Variants in PHF24 observed in about 807,000 individuals in gnomAD.
PHF24 encodes the protein Galpha inhibitory interacting protein.
Under a neutral mutation model 42.6 loss-of-function variants are expected in PHF24, and 25 were observed. The observed-to-expected ratio is 0.59, with a 90% CI of 0.43 to 0.82. PHF24 has a LOEUF of 0.82. Ranked by LOEUF, PHF24 falls within the 40% of genes least tolerant of loss-of-function variation. The pLI is 0.00. For synonymous variants in PHF24, 185 were observed against 204.8 expected, an observed-to-expected ratio of 0.90 and a Z score of 0.83; for missense variants, 470 against 538.1, an observed-to-expected ratio of 0.87 and a Z score of 1.25.
the PHF24 span, among the ~76,000 whole-genome samples, chr9:34,764,421 C>G: frequency 3.8e-4 from 51 of 133,410 alleles, no homozygotes; most frequent in East Asian, 0.011. Context: ...CCTAGTTTAG[C>G]CTTGGGAGGG....
chr9:34,767,538 G>GT, the PHF24 span, among the ~76,000 whole-genome samples: 3 of 152,242 alleles, frequency 2.0e-5, no homozygotes, highest in African/African-American at 7.2e-5. Flanking sequence ...CTGGTGTGCC[G>GT]TTTTTTAAGC....
chr9:34,821,439 T>C, the PHF24 span, among the ~76,000 whole-genome samples: 1 of 152,216 alleles, frequency 6.6e-6, no homozygotes, highest in East Asian at 1.9e-4. Context: ...CTTTCCTTTA[T>C]GTTTATGGTT....
At chr9:34,958,226 GCGC>G (rs1240549939), upstream of PHF24, 3,144 of 150,784 alleles carry the variant, frequency 0.021, 43 homozygotes, top group Middle Eastern at 0.043. This position sits in a 1 kb window ranked among gnomAD's most constrained non-coding sequence, Gnocchi z 4.5. Flanking sequence ...CCGGCCGCGC[GCGC>G]CGCCGCCGCC....
At chr9:34,736,662 AT>A in the PHF24 span, among the ~76,000 whole-genome samples, 6 of 152,258 alleles carry the variant, frequency 3.9e-5, no homozygotes, top group Non-Finnish European at 8.8e-5. Flanking sequence ...AGCTCAGAGA[AT>A]ACTAACCAGG....
At chr9:34,836,512 A>G in the PHF24 span, among the ~76,000 whole-genome samples, 10 of 152,216 alleles carry the variant, frequency 6.6e-5, no homozygotes, top group Non-Finnish European at 1.0e-4. Flanking sequence ...GTACTTATGC[A>G]TTCTGGGGGC....
the PHF24 span, among the ~76,000 whole-genome samples, chr9:34,861,864 C>T: frequency 6.6e-6 from 1 of 152,186 alleles, no homozygotes; most frequent in South Asian, 2.1e-4. Context: ...TTTAACCAAA[C>T]CTAACATCAT....
the PHF24 span, among the ~76,000 whole-genome samples, chr9:34,704,671 C>CA: frequency 3.9e-5 from 6 of 152,034 alleles, no homozygotes; most frequent in Admixed American, 3.9e-4. Context: ...CTCGTCTCTA[C>CA]AAAAAATGAA....
At chr9:34,902,144 A>C in the PHF24 span, among the ~76,000 whole-genome samples, 1 of 152,188 alleles carries the variant, frequency 6.6e-6, no homozygotes, top group Non-Finnish European at 1.5e-5. Context: ...TTGATTTAAT[A>C]ATATACACAT....
At chr9:34,879,938 G>C in the PHF24 span, among the ~76,000 whole-genome samples, 3 of 151,974 alleles carry the variant, frequency 2.0e-5, no homozygotes, top group Non-Finnish European at 4.4e-5. Flanking sequence ...AAATATTAAG[G>C]GTAGCCAGAG....
chr9:34,812,902 T>G, the PHF24 span, among the ~76,000 whole-genome samples: 1 of 152,214 alleles, frequency 6.6e-6, no homozygotes, highest in Non-Finnish European at 1.5e-5. Flanking sequence ...TTTCCTTGCT[T>G]CCATTTTCAG....
chr9:34,870,073 C>A, the PHF24 span, among the ~76,000 whole-genome samples: 2 of 151,934 alleles, frequency 1.3e-5, no homozygotes, highest in African/African-American at 4.8e-5. Flanking sequence ...TTTTTTAGAG[C>A]AGTTTTAGGT....
chr9:34,741,926 C>T, the PHF24 span, among the ~76,000 whole-genome samples: 1 of 152,146 alleles, frequency 6.6e-6, no homozygotes, highest in East Asian at 1.9e-4. Flanking sequence ...ACAGGAAGTG[C>T]TCTCAGGATA....
At chr9:34,900,306 A>G in the PHF24 span, among the ~76,000 whole-genome samples, 1 of 152,202 alleles carries the variant, frequency 6.6e-6, no homozygotes, top group Non-Finnish European at 1.5e-5. Context: ...AGGACAATCA[A>G]TTAATGTGAA....
chr9:34,743,813 A>G, the PHF24 span, among the ~76,000 whole-genome samples: 1 of 152,164 alleles, frequency 6.6e-6, no homozygotes, highest in Non-Finnish European at 1.5e-5. Flanking sequence ...GAGACTGGAT[A>G]ATTTATCATG....
At chr9:34,929,664 A>G in the PHF24 span, among the ~76,000 whole-genome samples, 2 of 152,236 alleles carry the variant, frequency 1.3e-5, no homozygotes, top group Non-Finnish European at 2.9e-5. Flanking sequence ...GAGAGTCACC[A>G]TAAGCAGCAA....
the PHF24 span, among the ~76,000 whole-genome samples, chr9:34,682,870 G>A: frequency 6.6e-6 from 1 of 152,148 alleles, no homozygotes; most frequent in Non-Finnish European, 1.5e-5. Context: ...CTATTTTACA[G>A]GGGCAGCTGT....
the PHF24 span, among the ~76,000 whole-genome samples, chr9:34,851,831 A>G: frequency 6.6e-6 from 1 of 152,190 alleles, no homozygotes; most frequent in Non-Finnish European, 1.5e-5. Flanking sequence ...CCTAATTTAT[A>G]TTTTTTATGT....
the PHF24 span, among the ~76,000 whole-genome samples, chr9:34,928,745 A>C: frequency 6.6e-6 from 1 of 151,774 alleles, no homozygotes; most frequent in African/African-American, 2.4e-5. Flanking sequence ...TTTCTGCTGG[A>C]CTCCAATTGA....
the PHF24 span, among the ~76,000 whole-genome samples, chr9:34,943,534 A>C: frequency 6.6e-6 from 1 of 152,142 alleles, no homozygotes; most frequent in Non-Finnish European, 1.5e-5. Context: ...TTGGGCCTCT[A>C]AGTATCAATA....
Sources: allele counts gnomAD v4.1 joint callset (sites outside exome capture counted in the v4.1 genomes callset), GRCh38; gene constraint gnomAD v4.1.1; non-coding constraint Gnocchi (gnomAD v3.1); transcripts MANE v1.5; gene names NCBI Gene and HGNC (gene_info 2026-07-23, HGNC 2026-07-21).